Variants in HDC observed in about 807,000 individuals in gnomAD.
HDC encodes the protein histidine decarboxylase.
HDC carries 27 observed loss-of-function variants against 64.4 expected under a neutral mutation model. The ratio of observed to expected loss-of-function variants is 0.42; its 90% CI spans 0.31 to 0.58. The LOEUF (loss-of-function observed/expected upper bound fraction) is 0.58. Among genes scored for constraint, HDC ranks in the 20% least tolerant of loss-of-function variants. The pLI is 0.16. For synonymous variants in HDC, 305 were observed against 314.2 expected (o/e 0.97, Z 0.31); for missense variants, 711 against 833.9 (o/e 0.85, Z 1.81).
chr15:50,257,596 G>T (rs1298274897), intron 3 of HDC, 49 bp from the exon 4 acceptor site: 1 of 1,609,296 alleles, frequency 6.2e-7, no homozygotes, highest in Non-Finnish European at 8.5e-7. Flanking sequence ...GGGCACTGAG[G>T]TGCCCCCACG....
In HDC at chr15:50,257,497, C is replaced by G; in HGVS notation, c.369G>C (p.Leu123Phe). The G allele has an allele frequency of 6.2e-7, 1 of 1,614,180 alleles. No individual in the cohort carries two copies. The highest frequency in any genetic ancestry group is 8.5e-7 in the Non-Finnish European group (1 of 1,180,024). ...TELEMNVMDW[L>F]AKMLGLPEHF... ...GCTCTGGAAGTCCCAGCATTTTTGC[C>G]AACCAGTCCATGACGTTCATCTCCA... The change falls in exon 4 of 12, where the codon TTG becomes TTC. Residue 123 changes from leucine to phenylalanine, a missense_variant. This residue lies in a region of HDC where 225 missense variants were observed against 276.2 expected (regional missense o/e 0.81). Transcript: ENST00000267845.
intron 2 of HDC, among the ~76,000 whole-genome samples, chr15:50,261,476 G>T (rs905883999): frequency 2.0e-5 from 3 of 152,096 alleles, no homozygotes; most frequent in African/African-American, 4.8e-5. Flanking sequence ...GAGATGAGTG[G>T]CTTTGTATGA....
In HDC at chr15:50,253,634, A is replaced by T; in HGVS notation, c.753T>A (p.Cys251Ter). 4 of 1,613,814 alleles carry T rather than the reference A, an allele frequency of 2.5e-6. No homozygotes were observed. Among genetic ancestry groups the T allele is most frequent in the Non-Finnish European group, 3.4e-6 (4 of 1,180,014 alleles). ...CCAGCTCTGACAGGCAGTCAAATGC[A>T]CAGACCCCAGTGGTCCCTAGTGTTG... ...VCATLGTTGVCAFDCLSELGP... is the reference protein window; with the variant it reads ...VCATLGTTGV Residue 251 changes from cysteine (C) to a stop codon, truncating the protein, a stop_gained, in exon 7 of 12, where the codon TGT becomes TGA. Coordinates refer to ENST00000267845, the MANE Select transcript of HDC (RefSeq NM_002112.4). LOFTEE classifies it high-confidence loss of function.
intron 10 of HDC, among the ~76,000 whole-genome samples, chr15:50,247,587 A>ACATGTCTTGCAT (rs2045499027): frequency 6.6e-6 from 1 of 152,158 alleles, no homozygotes; most frequent in Admixed American, 6.5e-5. Context: ...CTCTTGTAGA[A>ACATGTCTTGCAT]GTGGGAGAAC....
chr15:50,254,094 C>A lies in HDC; in HGVS notation c.720+36G>T, dbSNP rs1269731410. On this transcript the variant is annotated intron_variant, in intron 6 of 11. Transcript: ENST00000267845. ...AAAATTCCTTCCTCACATCCAAGTT[C>A]TATCATTCTAAGCTTAGGCATATAT... The A allele has an allele frequency of 2.5e-6, 4 of 1,612,660 alleles. No homozygotes were observed. In the Admixed American group the frequency reaches 6.7e-5, roughly 27 times the overall value.
At position 50,242,815 on chromosome 15, in the gene HDC, G is replaced by T. The variant is rs1245896481; in HGVS notation, c.1434C>A (p.His478Gln). 3 of 1,614,082 alleles carry T rather than the reference G, an allele frequency of 1.9e-6. No individual in the cohort carries two copies. The Admixed American group carries it at 5.0e-5, about 27-fold the overall frequency. Residue 478 changes from histidine to glutamine, a missense_variant, in exon 12 of 12, where the codon CAC (histidine) becomes CAA (glutamine). Transcript: ENST00000267845. ...RDAATLILSQ[H>Q]CTSQPSPRVG... ...CCCGAGGGCTGGGTTGGGAAGTACA[G>T]TGCTGACTCAGGATGAGAGTGGCAG...
In HDC at chr15:50,254,400, G is replaced by A; in HGVS notation, c.577-127C>T. 2.6e-6 allele frequency: 4 copies of A among 1,529,474 alleles called. No homozygotes were observed. In the South Asian group the frequency reaches 4.5e-5, roughly 17 times the overall value. 94.7% of individuals were successfully genotyped at this position (1,529,474 alleles called of 1,614,324 possible). A position where few individuals can be genotyped will look rare whatever the true frequency, so the allele number is the denominator to read the frequency against. On this transcript the variant is annotated intron_variant, in intron 5 of 11. Transcript: ENST00000267845. ...GAAGCTTGTCTTCCCTACAGTTGCT[G>A]GAGACAAGCTCCCATGTCTGAGCTG...
chr15:50,250,442 C>T (rs28591129), intron 9 of HDC, among the ~76,000 whole-genome samples: 208 of 152,190 alleles, frequency 1.4e-3, no homozygotes, highest in African/African-American at 4.7e-3. Context: ...TAATAAGGTT[C>T]CCCAGAGCAG....
Position 50,242,208 on chromosome 15 carries a change from G to A in HDC, c.*52C>T. On this transcript the variant is annotated 3_prime_UTR_variant, in exon 12 of 12. Coordinates refer to ENST00000267845, the MANE Select transcript of HDC (RefSeq NM_002112.4). ...CAAAGTTGGCATACAATTGTGAGGG[G>A]TTCACAGAGTCCCTGAAGTATATCC... 6.8e-7 allele frequency: 1 copy of A among 1,463,166 alleles called. No homozygotes were observed. 90.6% of individuals were successfully genotyped at this position (1,463,166 alleles called of 1,614,324 possible). A position where few individuals can be genotyped will look rare whatever the true frequency, so the allele number is the denominator to read the frequency against.
At chr15:50,265,562 G>A (rs1158701600) in intron 1 of HDC, 31 bp downstream of exon 1, 1 of 1,608,596 alleles carries the variant, frequency 6.2e-7, no homozygotes, top group South Asian at 1.1e-5. Context: ...AGTAGCAGCA[G>A]GGAAGAGGGC....
chr15:50,252,957 T>C (rs1252854003), intron 7 of HDC, 183 bp from the exon 8 acceptor site: 5 of 634,360 alleles, frequency 7.9e-6, no homozygotes, highest in Non-Finnish European at 1.4e-5. Context: ...GGAGGCATCA[T>C]TACCTCCGAA....
At position 50,254,558 on chromosome 15, in the gene HDC, G is replaced by A. The variant is rs2045601766; in HGVS notation, c.548C>T (p.Ala183Val). 1 of 1,614,230 alleles carries A rather than the reference G, an allele frequency of 6.2e-7. No individual in the cohort carries two copies. Among genetic ancestry groups the A allele is most frequent in the Non-Finnish European group, 8.5e-7 (1 of 1,180,044 alleles). ...GTCAGAGGCATAGGCCACGAGTCGG[G>A]CATTTAGGCAGGACTCATCAGCATC... The part of the protein sequence containing the change: ...EPDADESCLN[A>V]RLVAYASDQA... The change falls in exon 5 of 12, where the codon GCC becomes GTC. Residue 183 changes from alanine (A) to valine (V), a missense_variant. Coordinates refer to ENST00000267845, the MANE Select transcript of HDC (RefSeq NM_002112.4).
Position 50,255,994 on chromosome 15 carries a change from G to C in HDC, c.442-1330C>G, listed in dbSNP as rs556730756. 3.3e-5 allele frequency among the ~76,000 whole-genome samples: 5 copies of C among 152,298 alleles called. No homozygotes were observed. The South Asian group carries it at 1.0e-3, about 32-fold the overall frequency. On this transcript the variant is annotated intron_variant, in intron 4 of 11. Coordinates refer to ENST00000267845, the MANE Select transcript of HDC (RefSeq NM_002112.4). ...CAAGTTCACATGGCTGACGATACAG[G>C]AGAAAGCATGGTTTGGATTTAGACA...
chr15:50,243,792 CCT>C (rs1406893668), intron 10 of HDC, among the ~76,000 whole-genome samples: 23 of 152,346 alleles, frequency 1.5e-4, no homozygotes, highest in African/African-American at 2.4e-4. Context: ...CTTTTCATCC[CCT>C]GTTTCTGACA....
rs1056981147 is a variant in HDC at position 50,265,697 on chromosome 15, C to T, written c.-74G>A. 4 of 1,431,576 alleles carry T rather than the reference C, an allele frequency of 2.8e-6. No individual in the cohort carries two copies. The highest frequency in any genetic ancestry group is 2.3e-5 in the East Asian group (1 of 44,014). 88.7% of individuals were successfully genotyped at this position (1,431,576 alleles called of 1,614,324 possible). A position where few individuals can be genotyped will look rare whatever the true frequency, so the allele number is the denominator to read the frequency against. On this transcript the variant is annotated 5_prime_UTR_variant, in exon 1 of 12. Transcript: ENST00000267845. The stretch of plus-strand genomic sequence containing the variant: ...AAGGCGTGAAAGGCGTGGAGCAGCC[C>T]GGCTTCCCTCTTGCCAGTCCTGCGC...
At chr15:50,262,075 A>C (rs111634374) in intron 2 of HDC, among the ~76,000 whole-genome samples, 3,003 of 152,070 alleles carry the variant, frequency 0.02, 113 homozygotes, top group African/African-American at 0.07. Context: ...TGGCCTCAGG[A>C]AGAGCCTCTA....
rs760006509 is a variant in HDC, at chr15:50,242,839, A to C, written c.1410T>G (p.Ala470=). The C allele has an allele frequency of 1.2e-5, 20 of 1,613,892 alleles. No homozygotes were observed. The highest frequency in any genetic ancestry group is 1.5e-5 in the Non-Finnish European group (18 of 1,179,916). The change falls in exon 12 of 12, where the codon GCT becomes GCG. Residue 470 remains alanine, a synonymous_variant. Transcript: ENST00000267845. Reference sequence around the variant, plus strand: ...AGTGCTGACTCAGGATGAGAGTGGCAGCATCTCGAATGAGATTCCAGTCTC... The same window carrying C: ...AGTGCTGACTCAGGATGAGAGTGGCCGCATCTCGAATGAGATTCCAGTCTC... ...ILRDWNLIRD[A]ATLILSQHCT...
At chr15:50,254,919 G>T (rs1314039388) in intron 4 of HDC, among the ~76,000 whole-genome samples, 2 of 152,068 alleles carry the variant, frequency 1.3e-5, no homozygotes, top group African/African-American at 2.4e-5. Context: ...CCTAATACCA[G>T]CCTCTCTATT....
At position 50,248,220 on chromosome 15, in the gene HDC, G is replaced by A. The variant is rs1450198707; in HGVS notation, c.1140+25C>T. 6.7e-7 allele frequency: 1 copy of A among 1,496,392 alleles called. No homozygotes were observed. Among genetic ancestry groups the A allele is most frequent in the Admixed American group, 1.7e-5 (1 of 59,748 alleles). 92.7% of individuals were successfully genotyped at this position (1,496,392 alleles called of 1,614,324 possible). Reference sequence around the variant, plus strand: ...GAGAAAACAGAGGAACACAGGCTCAGCCCCCACAGCAGCATGCTACATACA... The same window carrying A: ...GAGAAAACAGAGGAACACAGGCTCAACCCCCACAGCAGCATGCTACATACA... On this transcript the variant is annotated intron_variant, in intron 10 of 11. Coordinates refer to ENST00000267845, the MANE Select transcript of HDC (RefSeq NM_002112.4). The surrounding 1 kb of genome is among the most constrained non-coding windows in gnomAD (Gnocchi z 4.3).
Sources: allele counts gnomAD v4.1 joint callset (sites outside exome capture counted in the v4.1 genomes callset), GRCh38; gene constraint gnomAD v4.1.1; regional missense constraint gnomAD v4.1.1; non-coding constraint Gnocchi (gnomAD v3.1); transcripts MANE v1.5; gene names NCBI Gene and HGNC (gene_info 2026-07-23, HGNC 2026-07-21).